Variants in PRKG1 observed in about 807,000 individuals in gnomAD.
PRKG1 encodes cGMP-dependent protein kinase 1.
In PRKG1, 35 loss-of-function variants were observed where a neutral mutation model predicts 88.1. The ratio of observed to expected loss-of-function variants is 0.40; its 90% CI spans 0.30 to 0.53. The LOEUF is 0.53. Among genes scored for constraint, PRKG1 ranks in the 20% least tolerant of loss-of-function variants. PRKG1 has a pLI of 0.59. For missense variants in PRKG1, 540 were observed against 839.8 expected (o/e 0.64, Z 4.41); for synonymous variants, 303 against 292.5 (o/e 1.04, Z -0.37).
chr10:52,127,309 G>A (rs1218102793), intron 7 of PRKG1, among the ~76,000 whole-genome samples: 1 of 152,158 alleles, frequency 6.6e-6, no homozygotes, highest in Non-Finnish European at 1.5e-5. Context: ...AAATGAGTTA[G>A]GTTTGAATCG....
At chr10:51,197,058 C>A (rs538682310) in intron 2 of PRKG1, among the ~76,000 whole-genome samples, 2 of 152,082 alleles carry the variant, frequency 1.3e-5, no homozygotes, top group African/African-American at 4.8e-5. Flanking sequence ...TTTTCTAGGG[C>A]AAAGGCTGTC....
intron 2 of PRKG1, among the ~76,000 whole-genome samples, chr10:51,453,808 T>C (rs947076461): frequency 1.3e-5 from 2 of 152,052 alleles, no homozygotes; most frequent in African/African-American, 2.4e-5. Flanking sequence ...AGTTAAACTG[T>C]TGTTGTCCAT....
At chr10:51,278,053 C>T (rs1840177900) in intron 2 of PRKG1, among the ~76,000 whole-genome samples, 1 of 152,124 alleles carries the variant, frequency 6.6e-6, no homozygotes, top group Non-Finnish European at 1.5e-5. Context: ...GGAATGCTTC[C>T]AGTTTTTGCC....
chr10:51,756,563 C>G (rs1254518274), intron 3 of PRKG1, among the ~76,000 whole-genome samples: 2 of 151,120 alleles, frequency 1.3e-5, no homozygotes, highest in Non-Finnish European at 2.9e-5. Context: ...TGCCTGTAAT[C>G]CCAGCACTTT....
chr10:52,054,610 T>G (rs1369238415), intron 6 of PRKG1, 49 bp downstream of exon 6: 1 of 1,545,890 alleles, frequency 6.5e-7, no homozygotes, highest in East Asian at 2.2e-5. Flanking sequence ...AGCCTGGGGT[T>G]GGTTAGTAAC....
intron 2 of PRKG1, among the ~76,000 whole-genome samples, chr10:51,273,015 A>G (rs1473898977): frequency 3.3e-5 from 5 of 152,194 alleles, no homozygotes; most frequent in Admixed American, 2.6e-4. Flanking sequence ...GTACACAACT[A>G]CTATTCACTT....
At chr10:51,254,998 A>G (rs1440294617) in intron 2 of PRKG1, among the ~76,000 whole-genome samples, 1 of 152,110 alleles carries the variant, frequency 6.6e-6, no homozygotes, top group Non-Finnish European at 1.5e-5. Context: ...TGTTTTCTCA[A>G]CTATGGATGT....
intron 9 of PRKG1, among the ~76,000 whole-genome samples, chr10:52,178,833 A>AT: frequency 6.6e-6 from 1 of 151,120 alleles, no homozygotes; most frequent in East Asian, 1.9e-4. Context: ...TTTGTTTTCC[A>AT]TTTGTGTGAA....
intron 2 of PRKG1, among the ~76,000 whole-genome samples, chr10:51,326,314 T>C (rs904450129): frequency 6.6e-6 from 1 of 152,218 alleles, no homozygotes; most frequent in Non-Finnish European, 1.5e-5. Context: ...TGCAAATTTT[T>C]CAAGTGACAG....
At chr10:51,059,622 C>G (rs1004273629) in intron 1 of PRKG1, among the ~76,000 whole-genome samples, 3 of 152,044 alleles carry the variant, frequency 2.0e-5, no homozygotes, top group Admixed American at 2.0e-4. Flanking sequence ...TTATTAAATA[C>G]TTTTTCATAA....
chr10:51,364,799 G>T (rs147875133), intron 2 of PRKG1, among the ~76,000 whole-genome samples: 4 of 151,962 alleles, frequency 2.6e-5, no homozygotes, highest in Middle Eastern at 3.4e-3. Context: ...GCTTTATCAC[G>T]ATTAGGAGTT....
intron 3 of PRKG1, among the ~76,000 whole-genome samples, chr10:51,688,623 G>A (rs977457708): frequency 1.4e-5 from 2 of 147,176 alleles, no homozygotes; most frequent in African/African-American, 5.1e-5. Flanking sequence ...AAGTATCAGG[G>A]TAAATTCTAG....
chr10:51,695,939 G>A (rs952209563), intron 3 of PRKG1: 3 of 152,022 alleles, frequency 2.0e-5, no homozygotes, highest in African/African-American at 2.4e-5. Context: ...GATAATTTAT[G>A]CTTTTATTAC....
chr10:51,140,739 G>T (rs1359224056), intron 1 of PRKG1, among the ~76,000 whole-genome samples: 1 of 151,972 alleles, frequency 6.6e-6, no homozygotes, highest in East Asian at 1.9e-4. Flanking sequence ...CATTCTCTTT[G>T]TTTATTCTGG....
intron 9 of PRKG1, among the ~76,000 whole-genome samples, chr10:52,214,395 C>A (rs1352436525): frequency 6.6e-6 from 1 of 152,138 alleles, no homozygotes; most frequent in Admixed American, 6.6e-5. Flanking sequence ...TTTAGATGCA[C>A]AAACTTTGAT....
At chr10:51,587,110 C>T (rs761058607) in intron 3 of PRKG1, among the ~76,000 whole-genome samples, 63 of 152,162 alleles carry the variant, frequency 4.1e-4, no homozygotes, top group African/African-American at 1.3e-3. Flanking sequence ...CATATTCAGA[C>T]GGGCCTCATT....
At chr10:51,650,360 G>A (rs923912518) in intron 3 of PRKG1, among the ~76,000 whole-genome samples, 2 of 152,082 alleles carry the variant, frequency 1.3e-5, no homozygotes, top group Admixed American at 1.3e-4. Context: ...TCCTTGATAA[G>A]AGTCCCTTTC....
intron 3 of PRKG1, among the ~76,000 whole-genome samples, chr10:51,476,718 G>A (rs1295660578): frequency 6.6e-6 from 1 of 151,952 alleles, no homozygotes; most frequent in East Asian, 1.9e-4. Flanking sequence ...CAGCCTCCAG[G>A]AGCTCCATCC....
intron 3 of PRKG1, among the ~76,000 whole-genome samples, chr10:51,484,469 A>T (rs1840468798): frequency 6.6e-6 from 1 of 152,060 alleles, no homozygotes; most frequent in South Asian, 2.1e-4. Context: ...TACAGAAGGG[A>T]TTGCAACATG....
Sources: gnomAD v4.1 joint callset for allele counts (sites outside exome capture counted in the v4.1 genomes callset) on GRCh38, gnomAD v4.1.1 for gene constraint, MANE v1.5 for transcripts, NCBI Gene and HGNC (gene_info 2026-07-23, HGNC 2026-07-21) for gene names.